Variants in PDE4D observed in about 807,000 individuals in gnomAD.
PDE4D encodes phosphodiesterase 4D.
Under a neutral mutation model 87.4 loss-of-function variants are expected in PDE4D, and 24 were observed. The ratio of observed to expected loss-of-function variants is 0.27; its 90% CI spans 0.20 to 0.39. The LOEUF is 0.39. Among genes scored for constraint, PDE4D ranks in the 10% least tolerant of loss-of-function variants. The pLI is 1.00. For missense variants in PDE4D, 714 were observed against 1,041.0 expected (o/e 0.69, Z 4.32); for synonymous variants, 384 against 383.2 (o/e 1.00, Z -0.02).
intron 1 of PDE4D, among the ~76,000 whole-genome samples, chr5:59,561,658 G>A (rs1261357311): frequency 3.3e-5 from 5 of 152,132 alleles, no homozygotes; most frequent in Non-Finnish European, 7.3e-5. Flanking sequence ...GACCAGGCAT[G>A]GTGGCTCACG....
intron 1 of PDE4D, among the ~76,000 whole-genome samples, chr5:60,397,806 C>T (rs1762984862): frequency 6.6e-6 from 1 of 152,116 alleles, no homozygotes; most frequent in Non-Finnish European, 1.5e-5. Flanking sequence ...ATCCTTTGTG[C>T]TATTCTGCCT....
chr5:59,740,752 G>A (rs7736817), intron 1 of PDE4D, among the ~76,000 whole-genome samples: 66,145 of 151,870 alleles, frequency 0.44, 15,031 homozygotes, highest in Non-Finnish European at 0.49. Context: ...GGACTTTAGA[G>A]ATCAACTACC....
At chr5:59,601,390 A>T (rs1413760043) in intron 1 of PDE4D, among the ~76,000 whole-genome samples, 1 of 147,546 alleles carries the variant, frequency 6.8e-6, no homozygotes, top group African/African-American at 2.5e-5. Context: ...GCAACTGGGG[A>T]GCTGCTGCAG....
At chr5:59,167,569 C>A (rs931107849) in intron 5 of PDE4D, among the ~76,000 whole-genome samples, 2 of 152,172 alleles carry the variant, frequency 1.3e-5, no homozygotes, top group South Asian at 2.1e-4. Context: ...TTTCCCAAAC[C>A]ATTTTCAGTC....
At chr5:59,197,285 T>C (rs1745667074) in intron 2 of PDE4D, among the ~76,000 whole-genome samples, 1 of 152,194 alleles carries the variant, frequency 6.6e-6, no homozygotes. Flanking sequence ...TTTATGATAA[T>C]TTACCAGCCT....
chr5:60,363,028 T>A (rs908266250), intron 1 of PDE4D, among the ~76,000 whole-genome samples: 1 of 152,180 alleles, frequency 6.6e-6, no homozygotes, highest in Non-Finnish European at 1.5e-5. Context: ...CGGTTGCTTA[T>A]CACCTTGAAT....
intron 3 of PDE4D, among the ~76,000 whole-genome samples, chr5:59,928,898 T>C (rs550490129): frequency 2.1e-4 from 31 of 150,102 alleles, no homozygotes. Flanking sequence ...TATCCATTTC[T>C]ATATATTAGA....
intron 1 of PDE4D, among the ~76,000 whole-genome samples, chr5:59,810,291 G>A (rs1768203704): frequency 6.6e-6 from 1 of 152,192 alleles, no homozygotes; most frequent in South Asian, 2.1e-4. Flanking sequence ...ATGTACAAGA[G>A]CAATGACGTT....
chr5:60,208,397 G>A (rs373321812), intron 1 of PDE4D, among the ~76,000 whole-genome samples: 7 of 152,170 alleles, frequency 4.6e-5, no homozygotes, highest in African/African-American at 1.7e-4. Context: ...AGGGAAGAGA[G>A]GAGTAGAGAA....
rs181508432 is a variant in PDE4D, at chr5:60,388,209, T to G, written c.-90+99733A>C. 4.6e-5 allele frequency among the ~76,000 whole-genome samples: 7 copies of G among 152,174 alleles called. No individual in the cohort carries two copies. The East Asian group carries it at 1.4e-3, about 29-fold the overall frequency. On this transcript the variant is annotated intron_variant, in intron 1 of 16. Transcript: ENST00000502484. ...GGGTTGTTATGGAGGCTTCATTACA[T>G]AAACATGATTGACAACCCTGTAGAA... is the stretch of plus-strand genomic sequence containing the variant.
chr5:59,051,836 G>A (rs1468203512), intron 5 of PDE4D, among the ~76,000 whole-genome samples: 2 of 152,116 alleles, frequency 1.3e-5, no homozygotes, highest in Admixed American at 6.6e-5. Flanking sequence ...GTGTTTAGTA[G>A]GTTCCCATAT....
At chr5:59,094,939 T>A (rs1050000581) in intron 5 of PDE4D, among the ~76,000 whole-genome samples, 1 of 152,032 alleles carries the variant, frequency 6.6e-6, no homozygotes, top group African/African-American at 2.4e-5. Flanking sequence ...ACTAACACCA[T>A]TGAATCCGGG....
At chr5:59,978,942 T>A (rs561580126) in intron 3 of PDE4D, among the ~76,000 whole-genome samples, 4 of 152,284 alleles carry the variant, frequency 2.6e-5, no homozygotes, top group Non-Finnish European at 1.5e-5. Flanking sequence ...TAAGTATTTC[T>A]TACTTAAGGC....
At chr5:59,530,545 C>T (rs2153679241) in intron 1 of PDE4D, among the ~76,000 whole-genome samples, 1 of 152,040 alleles carries the variant, frequency 6.6e-6, no homozygotes, top group South Asian at 2.1e-4. Context: ...AGTTATTATG[C>T]TGTACTGTTT....
intron 1 of PDE4D, among the ~76,000 whole-genome samples, chr5:60,209,630 C>T (rs1384408196): frequency 6.6e-6 from 1 of 151,786 alleles, no homozygotes; most frequent in East Asian, 1.9e-4. Flanking sequence ...GCATAGTATT[C>T]ATCTTCTGAG....
chr5:59,800,894 G>A (rs954575596), intron 1 of PDE4D, among the ~76,000 whole-genome samples: 2 of 152,202 alleles, frequency 1.3e-5, no homozygotes, highest in Non-Finnish European at 2.9e-5. Context: ...AAATGCAAAT[G>A]TGCCATACAA....
At chr5:60,437,538 G>T (rs37684) in intron 1 of PDE4D, among the ~76,000 whole-genome samples, 105,428 of 151,994 alleles carry the variant, frequency 0.69, 38,063 homozygotes, top group African/African-American at 0.91. Context: ...GGACTCCAAG[G>T]TTCTCTCTGT....
chr5:59,195,180 C>T (rs574473950), intron 2 of PDE4D, among the ~76,000 whole-genome samples: 113 of 152,156 alleles, frequency 7.4e-4, no homozygotes, highest in African/African-American at 2.6e-3. Flanking sequence ...ATTACCCTGT[C>T]TATGCTATTC....
At chr5:59,133,671 C>A (rs1220484015) in intron 5 of PDE4D, among the ~76,000 whole-genome samples, 1 of 152,208 alleles carries the variant, frequency 6.6e-6, no homozygotes, top group Non-Finnish European at 1.5e-5. Flanking sequence ...GTTTCCCAGG[C>A]ATGCCACAGC....
Sources: allele counts gnomAD v4.1 joint callset (sites outside exome capture counted in the v4.1 genomes callset), GRCh38; gene constraint gnomAD v4.1.1; transcripts MANE v1.5; gene names NCBI Gene and HGNC (gene_info 2026-07-23, HGNC 2026-07-21).